Variants in PIAS2 observed in about 807,000 individuals in gnomAD.
The protein encoded by PIAS2 is E3 SUMO-protein ligase PIAS2.
PIAS2 carries 19 observed loss-of-function variants against 69.7 expected under a neutral mutation model. The observed-to-expected ratio is 0.27, with a 90% CI of 0.19 to 0.40. PIAS2 has a LOEUF of 0.40. PIAS2 is among the 10% of genes least tolerant of loss of function. The pLI is 1.00. For synonymous variants in PIAS2, 261 were observed against 263.2 expected (o/e 0.99, Z 0.08); for missense variants, 624 against 757.0 (o/e 0.82, Z 2.06).
intron 12 of PIAS2, chr18:46,816,239 A>T (rs894289107): frequency 1.0e-6 from 1 of 984,586 alleles, no homozygotes; most frequent in African/African-American, 1.7e-5. Flanking sequence ...ACACAGAGAA[A>T]GTCTGACATT....
At chr18:46,833,550 GTTTA>G (rs1331463332) in intron 9 of PIAS2, among the ~76,000 whole-genome samples, 7 of 152,102 alleles carry the variant, frequency 4.6e-5, no homozygotes, top group Non-Finnish European at 1.0e-4. Flanking sequence ...TTCATAAGAG[GTTTA>G]TTTTTCTCAA....
At chr18:46,869,772 G>T (rs975084659) in intron 2 of PIAS2, among the ~76,000 whole-genome samples, 4 of 152,088 alleles carry the variant, frequency 2.6e-5, no homozygotes, top group African/African-American at 9.7e-5. Flanking sequence ...CAGTTTTCTG[G>T]CCAAAGTTTC....
intron 5 of PIAS2, among the ~76,000 whole-genome samples, chr18:46,851,586 C>T (rs2046975433): frequency 6.6e-6 from 1 of 152,178 alleles, no homozygotes. Flanking sequence ...ATGTCACCAT[C>T]CCACAAGCCC....
chr18:46,834,315 G>A (rs567141875), intron 9 of PIAS2, among the ~76,000 whole-genome samples: 1 of 152,174 alleles, frequency 6.6e-6, no homozygotes, highest in African/African-American at 2.4e-5. Context: ...GAGAACAAAG[G>A]TCACAATAAA....
At chr18:46,902,509 G>A (rs980098645) in intron 1 of PIAS2, among the ~76,000 whole-genome samples, 8 of 151,930 alleles carry the variant, frequency 5.3e-5, no homozygotes, top group African/African-American at 1.7e-4. Context: ...GCAGCGAGCC[G>A]AGATCGTGCC....
chr18:46,892,735 C>G (rs2054251416), intron 1 of PIAS2, among the ~76,000 whole-genome samples: 1 of 152,052 alleles, frequency 6.6e-6, no homozygotes, highest in Admixed American at 6.6e-5. Flanking sequence ...GATCACACCA[C>G]CATATTCCAG....
intron 1 of PIAS2, chr18:46,915,400 A>C (rs1177325834): frequency 6.6e-6 from 1 of 152,210 alleles, no homozygotes; most frequent in African/African-American, 2.4e-5. Context: ...AGAGCAGTTA[A>C]GGCAAAGAAA....
chr18:46,830,595 G>A (rs1241403673), intron 9 of PIAS2, among the ~76,000 whole-genome samples: 1 of 151,384 alleles, frequency 6.6e-6, no homozygotes, highest in East Asian at 1.9e-4. Flanking sequence ...GTAAAAGCAA[G>A]AAAAGAGAAA....
At chr18:46,875,209 C>T (rs752999826) in intron 2 of PIAS2, among the ~76,000 whole-genome samples, 1 of 152,040 alleles carries the variant, frequency 6.6e-6, no homozygotes, top group Non-Finnish European at 1.5e-5. Flanking sequence ...TATCTATGTC[C>T]GTACTGTAGT....
At chr18:46,899,970 G>A (rs2055542176) in intron 1 of PIAS2, among the ~76,000 whole-genome samples, 1 of 152,194 alleles carries the variant, frequency 6.6e-6, no homozygotes, top group East Asian at 1.9e-4. Context: ...ATTGGTAGTA[G>A]GGTGCAAGGG....
chr18:46,917,291 C>A, intron 1 of PIAS2, 31 bp downstream of exon 1: 2 of 1,460,440 alleles, frequency 1.4e-6, no homozygotes, highest in South Asian at 2.6e-5. Context: ...CATCCCCTCC[C>A]CCGCGGCCTC....
chr18:46,836,248 G>T, intron 9 of PIAS2, 109 bp downstream of exon 9: 1 of 806,118 alleles, frequency 1.2e-6, no homozygotes, highest in Non-Finnish European at 2.1e-6. Context: ...CTGGATTTAT[G>T]CTAGAGTAGA....
Position 46,808,772 on chromosome 18 carries a change from A to G in PIAS2, c.*3661T>C, listed in dbSNP as rs2040830282. 6.6e-6 allele frequency: 1 copy of G among 151,976 alleles called. No individual in the cohort carries two copies. Among genetic ancestry groups the G allele is most frequent in the Admixed American group, 6.6e-5 (1 of 15,260 alleles). 9.4% of individuals were successfully genotyped at this position (151,976 alleles called of 1,614,324 possible). On this transcript the variant is annotated 3_prime_UTR_variant, in exon 14 of 14. Transcript: ENST00000585916. Reference sequence around the variant, plus strand: ...AAATGAAGAAAATCTTTCAGGAAAAATTAAGAAAATAAAAATGTTTACTAA... The same window carrying G: ...AAATGAAGAAAATCTTTCAGGAAAAGTTAAGAAAATAAAAATGTTTACTAA...
At chr18:46,859,041 T>C (rs914863421) in intron 3 of PIAS2, among the ~76,000 whole-genome samples, 1 of 152,188 alleles carries the variant, frequency 6.6e-6, no homozygotes, top group East Asian at 1.9e-4. Context: ...GGTTCAGAAT[T>C]CACTTTATAC....
chr18:46,821,146 G>GCATTT (rs2042129521), intron 11 of PIAS2, 74 bp from the exon 12 acceptor site: 1 of 1,502,090 alleles, frequency 6.7e-7, no homozygotes, highest in East Asian at 2.3e-5. Flanking sequence ...GCACCACTGG[G>GCATTT]CATTCTCAGT....
intron 2 of PIAS2, among the ~76,000 whole-genome samples, chr18:46,877,967 T>G (rs894940996): frequency 2.6e-5 from 4 of 152,234 alleles, no homozygotes; most frequent in Non-Finnish European, 5.9e-5. Flanking sequence ...TCATGAATTT[T>G]GGCATAATCT....
intron 13 of PIAS2, among the ~76,000 whole-genome samples, chr18:46,813,783 C>CTTTG (rs2144708074): frequency 6.6e-6 from 1 of 152,224 alleles, no homozygotes; most frequent in South Asian, 2.1e-4. Flanking sequence ...TTATTTAATG[C>CTTTG]TTTGGATAGA....
At chr18:46,838,714 T>C (rs966083958) in intron 8 of PIAS2, among the ~76,000 whole-genome samples, 3 of 152,192 alleles carry the variant, frequency 2.0e-5, no homozygotes, top group Non-Finnish European at 4.4e-5. Context: ...TCTTCATAAC[T>C]CTATGACTCC....
chr18:46,862,031 A>G (rs1413623260), intron 3 of PIAS2, among the ~76,000 whole-genome samples: 1 of 152,156 alleles, frequency 6.6e-6, no homozygotes, highest in Non-Finnish European at 1.5e-5. Context: ...AAAAATTACT[A>G]CAAAATATAA....
Sources: gnomAD v4.1 joint callset for allele counts (sites outside exome capture counted in the v4.1 genomes callset) on GRCh38, gnomAD v4.1.1 for gene constraint, MANE v1.5 for transcripts, NCBI Gene and HGNC (gene_info 2026-07-23, HGNC 2026-07-21) for gene names.